The following IMPG1 variants were observed in gnomAD, a reference collection of about 807,000 sequenced individuals.
IMPG1 encodes the protein interphotoreceptor matrix proteoglycan 1.
A neutral mutation model predicts 92.0 loss-of-function variants in IMPG1; 85 were observed. That is an observed-to-expected ratio of 0.92 (90% CI 0.78 to 1.11). The LOEUF (loss-of-function observed/expected upper bound fraction) is 1.11, where lower values mean the gene tolerates loss of function less well. IMPG1 is among the 50% of genes least tolerant of loss of function. IMPG1 has a pLI of 0.00. For missense variants in IMPG1, 1,022 were observed against 956.0 expected (o/e 1.07, Z -0.91); for synonymous variants, 367 against 334.1 (o/e 1.10, Z -1.08).
intron 13 of IMPG1, among the ~76,000 whole-genome samples, chr6:75,948,042 A>G (rs2149456467): frequency 6.6e-6 from 1 of 152,280 alleles, no homozygotes; most frequent in Middle Eastern, 3.4e-3. Flanking sequence ...GGCCAACACA[A>G]ATGTGGTGTA....
intron 2 of IMPG1, among the ~76,000 whole-genome samples, chr6:76,037,157 C>T (rs913565706): frequency 5.3e-5 from 8 of 152,140 alleles, no homozygotes; most frequent in East Asian, 3.8e-4. Context: ...TAGGGTGAGA[C>T]GAGACCAATC....
rs546419656 is a variant in IMPG1, at chr6:75,968,168, G to A, written c.1292-17074C>T. 3.9e-5 allele frequency among the ~76,000 whole-genome samples: 6 copies of A among 152,316 alleles called. No individual in the cohort carries two copies. In the South Asian group the frequency reaches 1.2e-3, roughly 32 times the overall value. ...GAGTGTGGAGGAGTGAAGATGGGTA[G>A]ACTACCAGTGTTCTGATAATTTTAT... On this transcript the variant is annotated intron_variant, in intron 12 of 16. Coordinates refer to ENST00000369950, the MANE Select transcript of IMPG1 (RefSeq NM_001563.4).
chr6:76,034,198 C>T, intron 4 of IMPG1, 117 bp downstream of exon 4: 1 of 935,318 alleles, frequency 1.1e-6, no homozygotes, highest in Non-Finnish European at 1.7e-6. Context: ...GAATAATCTA[C>T]ACAGCTCTTA....
intron 7 of IMPG1, among the ~76,000 whole-genome samples, chr6:76,015,207 T>C (rs1349744917): frequency 6.6e-6 from 1 of 152,176 alleles, no homozygotes; most frequent in African/African-American, 2.4e-5. Context: ...AGGTTTATTG[T>C]GGAAATTAAA....
At chr6:76,025,386 A>T (rs886953298) in intron 4 of IMPG1, 128 bp from the exon 5 acceptor site, 5 of 473,008 alleles carry the variant, frequency 1.1e-5, no homozygotes, top group African/African-American at 1.0e-4. Context: ...TTAAAACTAG[A>T]TTGACCTATT....
intron 14 of IMPG1, among the ~76,000 whole-genome samples, chr6:75,945,444 G>A (rs1447326195): frequency 6.6e-6 from 1 of 150,392 alleles, no homozygotes; most frequent in African/African-American, 2.5e-5. Flanking sequence ...TCTGCCTTCC[G>A]GGTTCAAGCG....
intron 12 of IMPG1, among the ~76,000 whole-genome samples, chr6:75,997,621 G>A (rs1016472965): frequency 3.9e-5 from 6 of 152,142 alleles, no homozygotes; most frequent in African/African-American, 7.2e-5. Context: ...GAGGAGCTGC[G>A]TGGGTACCAG....
chr6:76,070,914 C>T lies in IMPG1; in HGVS notation c.67+1508G>A, dbSNP rs77375057. ...GGTTACACTAAAGCCCAGATTTCAC[C>T]AGTGTGCAATATATGGGTGTAACAA... On this transcript the variant is annotated intron_variant, in intron 1 of 16. Coordinates refer to ENST00000369950, the MANE Select transcript of IMPG1 (RefSeq NM_001563.4). 4.5e-3 allele frequency among the ~76,000 whole-genome samples: 684 copies of T among 151,960 alleles called. 4 individuals carry two copies. Among genetic ancestry groups the T allele is most frequent in the Non-Finnish European group, 7.4e-3 (502 of 67,930 alleles).
At chr6:76,029,249 G>T (rs192845019) in intron 4 of IMPG1, among the ~76,000 whole-genome samples, 223 of 152,322 alleles carry the variant, frequency 1.5e-3, no homozygotes, top group African/African-American at 5.3e-3. Context: ...GGCATTTGAG[G>T]ATACAAACCC....
At chr6:75,924,483 TATA>T (rs1191842486) in intron 15 of IMPG1, among the ~76,000 whole-genome samples, 3 of 89,476 alleles carry the variant, frequency 3.4e-5, no homozygotes, top group East Asian at 2.5e-4. Flanking sequence ...AATTATATAT[TATA>T]ATATAATATA....
chr6:75,942,034 C>T (rs1276157063), intron 14 of IMPG1, among the ~76,000 whole-genome samples: 2 of 152,116 alleles, frequency 1.3e-5, no homozygotes, highest in African/African-American at 4.8e-5. Context: ...TACCTCTAAA[C>T]TATGTCTACT....
intron 12 of IMPG1, among the ~76,000 whole-genome samples, chr6:75,990,225 C>A (rs1287566111): frequency 2.6e-5 from 4 of 152,150 alleles, no homozygotes; most frequent in African/African-American, 7.2e-5. Context: ...CTTGTTCCAG[C>A]ATTTCAAATT....
In IMPG1 at chr6:76,067,987, TC is replaced by T. The variant is rs1784340929; in HGVS notation, c.67+4434del. 2.6e-5 allele frequency among the ~76,000 whole-genome samples: 4 copies of T among 152,212 alleles called. No homozygotes were observed. The East Asian group carries it at 5.8e-4, about 22-fold the overall frequency. ...AAAAAGCATTTGATTAAATATAGCA[TC>T]ACTTCACAATAAAAGCCATCAAGAA... On this transcript the variant is annotated intron_variant, in intron 1 of 16. Transcript: ENST00000369950.
chr6:75,924,595 A>ATATATAATTAATATAATTATATAT (rs1781500245), intron 15 of IMPG1, among the ~76,000 whole-genome samples: 2 of 21,148 alleles, frequency 9.5e-5, no homozygotes, highest in South Asian at 2.6e-3. Flanking sequence ...ATTATATATT[A>ATATATAATTAATATAATTATATAT]TATATAATTA....
intron 16 of IMPG1, among the ~76,000 whole-genome samples, chr6:75,922,558 T>C (rs1160494519): frequency 3.9e-5 from 6 of 152,204 alleles, no homozygotes. Flanking sequence ...GCATTGATAC[T>C]TGTTCTGGCC....
At chr6:76,001,996 C>T (rs890668414) in intron 12 of IMPG1, among the ~76,000 whole-genome samples, 10 of 152,124 alleles carry the variant, frequency 6.6e-5, no homozygotes. Flanking sequence ...GAGGAAAATA[C>T]AGTTAAGATA....
chr6:76,049,480 C>G (rs768020700), intron 1 of IMPG1, among the ~76,000 whole-genome samples: 3 of 152,188 alleles, frequency 2.0e-5, no homozygotes, highest in Non-Finnish European at 4.4e-5. Flanking sequence ...CTCTCTGTCT[C>G]TCTCTCTTTC....
In IMPG1 at chr6:75,931,065, G is replaced by A. The variant is rs760751691; in HGVS notation, c.2131C>T (p.Arg711Cys). 5.0e-6 allele frequency: 8 copies of A among 1,614,002 alleles called. 1 individual carries two copies. In the South Asian group the frequency reaches 5.5e-5, roughly 11 times the overall value. The change falls in exon 15 of 17, where the codon CGC (arginine) becomes TGC (cysteine). Residue 711 changes from arginine to cysteine, a missense_variant. Arg to Cys is a radical substitution (Grantham distance 180). Around this residue, in one of 3 missense-constraint regions of IMPG1, gnomAD observed 332 missense variants for 346.2 expected, o/e 0.96. Coordinates refer to ENST00000369950, the MANE Select transcript of IMPG1 (RefSeq NM_001563.4). ...TGGCTGTCATATCCTGGTTTGCAGCGACACTCCGCTTCCTCAGTCCGTTCG... is the reference window on the plus strand; with the variant it reads ...TGGCTGTCATATCCTGGTTTGCAGCAACACTCCGCTTCCTCAGTCCGTTCG... ...KNERTEEAEC[R>C]CKPGYDSQGS...
rs1371762146 is a variant in IMPG1 at position 75,923,540 on chromosome 6, A to G, written c.2316+94T>C. 7 of 690,422 alleles carry G rather than the reference A, an allele frequency of 1.0e-5. No homozygotes were observed. The Admixed American group carries it at 1.5e-4, about 15-fold the overall frequency. The allele number at this position is 690,422 out of a possible 1,614,324, so 42.8% of individuals were successfully genotyped here. On this transcript the variant is annotated intron_variant, in intron 16 of 16. Coordinates refer to ENST00000369950, the MANE Select transcript of IMPG1 (RefSeq NM_001563.4). ...ATTAAAAATAAAAAGTATCTTGCTT[A>G]TCTCTATTTAAAATAAGAGGGACAT...
Sources: gnomAD v4.1 joint callset for allele counts (sites outside exome capture counted in the v4.1 genomes callset) on GRCh38, gnomAD v4.1.1 for gene constraint, gnomAD v4.1.1 regional missense constraint, MANE v1.5 for transcripts, NCBI Gene and HGNC (gene_info 2026-07-23, HGNC 2026-07-21) for gene names.